FMNL2: variants seen among roughly 807,000 people sequenced by gnomAD.
FMNL2 encodes formin like 2.
Under a neutral mutation model 130.2 loss-of-function variants are expected in FMNL2, and 51 were observed. That is an observed-to-expected ratio of 0.39 (90% CI 0.31 to 0.49). The LOEUF (loss-of-function observed/expected upper bound fraction) is 0.49, where lower values mean the gene tolerates loss of function less well. Ranked by LOEUF, FMNL2 falls within the 20% of genes least tolerant of loss-of-function variation. The pLI is 0.85. For synonymous variants in FMNL2, 465 were observed against 467.1 expected (o/e 1.00, Z 0.06); for missense variants, 977 against 1,316.2 (o/e 0.74, Z 3.99).
At chr2:152,510,080 T>C (rs924021737) in intron 1 of FMNL2, among the ~76,000 whole-genome samples, 2 of 152,280 alleles carry the variant, frequency 1.3e-5, no homozygotes, top group East Asian at 3.9e-4. Flanking sequence ...TATTTTTAAC[T>C]TTACAGAGTT....
intron 1 of FMNL2, among the ~76,000 whole-genome samples, chr2:152,387,822 T>G (rs200827542): frequency 2.0e-5 from 1 of 49,390 alleles, no homozygotes; most frequent in Non-Finnish European, 3.6e-5. Flanking sequence ...AAAAAAAAAT[T>G]TTTTTTTTTT....
chr2:152,381,918 C>A (rs192770756), intron 1 of FMNL2, among the ~76,000 whole-genome samples: 77 of 152,162 alleles, frequency 5.1e-4, no homozygotes, highest in South Asian at 6.2e-4. Flanking sequence ...CCACCTCAGC[C>A]TCCTGAGGAG....
In FMNL2 at chr2:152,371,684, A is replaced by AG. The variant is rs1402125668; in HGVS notation, c.117+35964_117+35965insG. 2.6e-5 allele frequency among the ~76,000 whole-genome samples: 4 copies of AG among 151,694 alleles called. No individual in the cohort carries two copies. The East Asian group carries it at 7.7e-4, about 29-fold the overall frequency. On this transcript the variant is annotated intron_variant, in intron 1 of 25. Transcript: ENST00000288670. The stretch of plus-strand genomic sequence containing the variant: ...ACTCTGTCTCAAAAAAAAAAAAAAA[A>AG]AAAAAGAAAGAAATGTAATCCCTAA...
chr2:152,634,222 C>G (rs1236525472), intron 21 of FMNL2, among the ~76,000 whole-genome samples: 1 of 152,142 alleles, frequency 6.6e-6, no homozygotes, highest in Admixed American at 6.5e-5. Context: ...CACTTGAGGT[C>G]AGGAGTTTGA....
chr2:152,459,185 T>A (rs1332374260), intron 1 of FMNL2, among the ~76,000 whole-genome samples: 1 of 152,176 alleles, frequency 6.6e-6, no homozygotes, highest in Admixed American at 6.5e-5. Context: ...GATGGCCAAT[T>A]TTTGAGAACA....
At chr2:152,582,025 A>C (rs183264232) in intron 9 of FMNL2, among the ~76,000 whole-genome samples, 1 of 152,198 alleles carries the variant, frequency 6.6e-6, no homozygotes, top group East Asian at 1.9e-4. Flanking sequence ...AGCTACATGC[A>C]TGGCATCATT....
chr2:152,467,365 C>T (rs992713603), intron 1 of FMNL2, among the ~76,000 whole-genome samples: 11 of 152,194 alleles, frequency 7.2e-5, no homozygotes, highest in Non-Finnish European at 1.0e-4. Flanking sequence ...TAACCAGACT[C>T]CTCAAACTTA....
At chr2:152,568,225 T>TTTTTTTTTTTTTGTTTTTG (rs1695969883) in intron 6 of FMNL2, among the ~76,000 whole-genome samples, 1 of 148,804 alleles carries the variant, frequency 6.7e-6, no homozygotes, top group African/African-American at 2.5e-5. Flanking sequence ...TGGGTTTTTT[T>TTTTTTTTTTTTTGTTTTTG]TTTTTTTTGA....
At chr2:152,502,634 T>C (rs4664590) in intron 1 of FMNL2, among the ~76,000 whole-genome samples, 129,324 of 152,208 alleles carry the variant, frequency 0.85, 55,561 homozygotes, top group Admixed American at 0.92. Context: ...TTGCAGTGAG[T>C]CAAGGTCGTG....
rs545734718 is a variant in FMNL2 at position 152,378,093 on chromosome 2, CAG to C, written c.117+42376_117+42377del. ...CACCACTGCACTCCAGCCTAGGTGA[CAG>C]AGTGAGACCCTGTCTTGAAAAAAAA... On this transcript the variant is annotated intron_variant, in intron 1 of 25. Coordinates refer to ENST00000288670, the MANE Select transcript of FMNL2 (RefSeq NM_052905.4). Among the ~76,000 whole-genome samples, 672 of 134,072 alleles carry C rather than the reference CAG, an allele frequency of 5.0e-3. 6 individuals carry two copies. The highest frequency in any genetic ancestry group is 0.016 in the Middle Eastern group (3 of 186). The allele number at this position is 134,072 out of a possible 152,430, so 88.0% of individuals were successfully genotyped here.
chr2:152,338,466 A>C (rs1424281503), intron 1 of FMNL2, among the ~76,000 whole-genome samples: 1 of 152,196 alleles, frequency 6.6e-6, no homozygotes, highest in African/African-American at 2.4e-5. Flanking sequence ...AGAGAGAACA[A>C]ATCTATTCAA....
chr2:152,627,612 A>G (rs1445374558), intron 17 of FMNL2, among the ~76,000 whole-genome samples: 2 of 152,160 alleles, frequency 1.3e-5, no homozygotes, highest in Non-Finnish European at 2.9e-5. Flanking sequence ...AAATCTTTAT[A>G]TATCTTGTTT....
intron 13 of FMNL2, among the ~76,000 whole-genome samples, chr2:152,618,074 C>T (rs541418636): frequency 6.6e-6 from 1 of 152,234 alleles, no homozygotes; most frequent in Non-Finnish European, 1.5e-5. Flanking sequence ...GGTGAGAGAT[C>T]GCTTGTACAA....
At chr2:152,401,991 C>T (rs868842344) in intron 1 of FMNL2, among the ~76,000 whole-genome samples, 42 of 148,046 alleles carry the variant, frequency 2.8e-4, no homozygotes, top group African/African-American at 8.3e-4. Context: ...CTGCAACCTC[C>T]GCCTCCCGGG....
At chr2:152,401,360 A>G (rs759077999) in intron 1 of FMNL2, among the ~76,000 whole-genome samples, 41 of 152,178 alleles carry the variant, frequency 2.7e-4, no homozygotes, top group Non-Finnish European at 5.6e-4. Context: ...CACCCCTCCA[A>G]ATGAAGTGAC....
intron 1 of FMNL2, among the ~76,000 whole-genome samples, chr2:152,489,513 A>G (rs1691021674): frequency 6.6e-6 from 1 of 152,262 alleles, no homozygotes; most frequent in Non-Finnish European, 1.5e-5. Flanking sequence ...TTTGAGGGAC[A>G]AGAATAACAT....
intron 4 of FMNL2, among the ~76,000 whole-genome samples, chr2:152,553,839 A>G (rs923122430): frequency 6.6e-6 from 1 of 152,146 alleles, no homozygotes; most frequent in Admixed American, 6.5e-5. Flanking sequence ...GCATTGGTTT[A>G]ATTTTTGCAA....
In FMNL2 at chr2:152,487,076, C is replaced by A. The variant is rs76234034; in HGVS notation, c.118-34867C>A. ...GTATATACTCTGTGTTCTTCATATA[C>A]CATGTTAGGCAGTTTTGTAATATCA... On this transcript the variant is annotated intron_variant, in intron 1 of 25. Coordinates refer to ENST00000288670, the MANE Select transcript of FMNL2 (RefSeq NM_052905.4). 7.3e-4 allele frequency among the ~76,000 whole-genome samples: 111 copies of A among 152,252 alleles called. 3 individuals carry two copies. In the East Asian group the frequency reaches 0.02, roughly 28 times the overall value.
chr2:152,481,082 C>T (rs566030109), intron 1 of FMNL2, among the ~76,000 whole-genome samples: 51 of 152,332 alleles, frequency 3.3e-4, no homozygotes, highest in African/African-American at 1.1e-3. Flanking sequence ...GTCATTCTGC[C>T]TCTGCGCATG....
Sources: gnomAD v4.1 joint callset for allele counts (sites outside exome capture counted in the v4.1 genomes callset) on GRCh38, gnomAD v4.1.1 for gene constraint, MANE v1.5 for transcripts, NCBI Gene and HGNC (gene_info 2026-07-23, HGNC 2026-07-21) for gene names.